IGF2BP3: variants seen among roughly 807,000 people sequenced by gnomAD.
IGF2BP3 encodes the protein insulin-like growth factor 2 mRNA-binding protein 3.
Under a neutral mutation model 73.8 loss-of-function variants are expected in IGF2BP3, and 9 were observed. The observed-to-expected ratio is 0.12, with a 90% CI of 0.07 to 0.21. The LOEUF (loss-of-function observed/expected upper bound fraction) is 0.21, where lower values mean the gene tolerates loss of function less well. IGF2BP3 is among the 10% of genes least tolerant of loss of function. IGF2BP3 has a pLI of 1.00. For synonymous variants in IGF2BP3, 258 were observed against 256.7 expected (o/e 1.01, Z -0.05); for missense variants, 542 against 714.0 (o/e 0.76, Z 2.75).
intron 10 of IGF2BP3, among the ~76,000 whole-genome samples, chr7:23,328,672 G>C (rs79793010): frequency 0.025 from 3,736 of 152,236 alleles, 132 homozygotes; most frequent in African/African-American, 0.08. Context: ...TCTGAAAATA[G>C]CAAGAATTTG....
intron 12 of IGF2BP3, among the ~76,000 whole-genome samples, chr7:23,314,159 A>G (rs1184659473): frequency 1.3e-5 from 2 of 150,698 alleles, no homozygotes; most frequent in African/African-American, 4.9e-5. Flanking sequence ...AGCAGACTAC[A>G]GGCATGCAAC....
At chr7:23,422,399 A>G (rs765492069) in intron 2 of IGF2BP3, among the ~76,000 whole-genome samples, 1 of 152,118 alleles carries the variant, frequency 6.6e-6, no homozygotes, top group Non-Finnish European at 1.5e-5. Context: ...TAAGGCCAGG[A>G]GTAAAATTAG....
intron 3 of IGF2BP3, among the ~76,000 whole-genome samples, chr7:23,381,078 G>T (rs554379482): frequency 6.6e-6 from 1 of 152,132 alleles, no homozygotes; most frequent in Non-Finnish European, 1.5e-5. Context: ...GCTGTATCTA[G>T]AACAGGCCCT....
chr7:23,450,611 T>A (rs10950943), intron 2 of IGF2BP3: 1 of 152,018 alleles, frequency 6.6e-6, no homozygotes, highest in Non-Finnish European at 1.5e-5. Flanking sequence ...TTCACTGATA[T>A]GATTTCAGAT....
intron 3 of IGF2BP3, among the ~76,000 whole-genome samples, chr7:23,407,951 GGCGGGGGGCGGGGGGGGGGGGA>G (rs1786893094): frequency 1.6e-5 from 1 of 62,928 alleles, no homozygotes; most frequent in Non-Finnish European, 3.4e-5. Context: ...GGGGGCAGGG[GGCGGGGGGCGGGGGGGGGGGGA>G]GTCAATGTAA....
At chr7:23,428,261 G>A (rs1787568945) in intron 2 of IGF2BP3, among the ~76,000 whole-genome samples, 1 of 151,928 alleles carries the variant, frequency 6.6e-6, no homozygotes, top group Non-Finnish European at 1.5e-5. Flanking sequence ...CACGAGGTCA[G>A]GAGATTGAGA....
intron 2 of IGF2BP3, among the ~76,000 whole-genome samples, chr7:23,423,882 G>A (rs1264158572): frequency 6.6e-6 from 1 of 152,096 alleles, no homozygotes; most frequent in Non-Finnish European, 1.5e-5. Flanking sequence ...CACTTTGGGA[G>A]GCCGAGGCAG....
At chr7:23,416,643 T>A (rs915235775) in intron 3 of IGF2BP3, among the ~76,000 whole-genome samples, 2 of 152,242 alleles carry the variant, frequency 1.3e-5, no homozygotes, top group Non-Finnish European at 2.9e-5. Flanking sequence ...ATTCTAAGAT[T>A]AATCAGGGAC....
intron 10 of IGF2BP3, among the ~76,000 whole-genome samples, chr7:23,341,658 G>T (rs1382019294): frequency 6.6e-6 from 1 of 151,608 alleles, no homozygotes; most frequent in East Asian, 1.9e-4. Flanking sequence ...CGAAAGAGTG[G>T]GACTGTGTCT....
chr7:23,324,389 A>G (rs1194455529), intron 10 of IGF2BP3, among the ~76,000 whole-genome samples: 1 of 151,628 alleles, frequency 6.6e-6, no homozygotes, highest in African/African-American at 2.4e-5. Context: ...TGAATCTCTG[A>G]ATAGACCAAT....
chr7:23,399,086 A>G (rs1198418141), intron 3 of IGF2BP3, among the ~76,000 whole-genome samples: 1 of 152,170 alleles, frequency 6.6e-6, no homozygotes, highest in Non-Finnish European at 1.5e-5. Context: ...TAATTTTTGT[A>G]TAAGGTGTAA....
chr7:23,341,688 C>A (rs1215407464), intron 10 of IGF2BP3, among the ~76,000 whole-genome samples: 2 of 151,688 alleles, frequency 1.3e-5, no homozygotes, highest in African/African-American at 4.8e-5. Flanking sequence ...TTTAAATAAC[C>A]ACCATGGCAC....
chr7:23,356,757 G>A (rs1004606476), intron 5 of IGF2BP3, among the ~76,000 whole-genome samples: 1 of 152,028 alleles, frequency 6.6e-6, no homozygotes, highest in Non-Finnish European at 1.5e-5. Context: ...TGAAAGCCTG[G>A]GTAATATGAT....
At chr7:23,427,074 T>C (rs756578838) in intron 2 of IGF2BP3, among the ~76,000 whole-genome samples, 4 of 152,176 alleles carry the variant, frequency 2.6e-5, no homozygotes, top group Admixed American at 6.5e-5. Context: ...CCCACACACA[T>C]TTCAGTTGTC....
intron 3 of IGF2BP3, among the ~76,000 whole-genome samples, chr7:23,367,981 C>T (rs922191000): frequency 6.6e-6 from 1 of 151,420 alleles, no homozygotes; most frequent in Non-Finnish European, 1.5e-5. Flanking sequence ...GCCTGGGCAA[C>T]AGATAGAGAC....
chr7:23,450,296 G>T (rs949128594), intron 2 of IGF2BP3, among the ~76,000 whole-genome samples: 15 of 152,168 alleles, frequency 9.9e-5, no homozygotes, highest in Non-Finnish European at 1.5e-5. Context: ...GTTGCAAGAC[G>T]AACCAGTCAA....
chr7:23,452,004 T>A lies in IGF2BP3; in HGVS notation c.236+16478A>T, dbSNP rs188165826. 2.7e-4 allele frequency among the ~76,000 whole-genome samples: 41 copies of A among 151,314 alleles called. No individual in the cohort carries two copies. The South Asian group carries it at 5.8e-3, about 22-fold the overall frequency. Reference sequence around the variant, plus strand: ...GTTTTCTTTTTTCCTTTTTTTTTTTTATTTATTTTTTATTTTTTGAGATGG... The same window carrying A: ...GTTTTCTTTTTTCCTTTTTTTTTTTAATTTATTTTTTATTTTTTGAGATGG... On this transcript the variant is annotated intron_variant, in intron 2 of 14. Coordinates refer to ENST00000258729, the MANE Select transcript of IGF2BP3 (RefSeq NM_006547.3).
chr7:23,457,422 G>A (rs139270305), intron 2 of IGF2BP3, among the ~76,000 whole-genome samples: 3,913 of 151,888 alleles, frequency 0.026, 191 homozygotes, highest in African/African-American at 0.09. Context: ...CAGAGATCGC[G>A]CCACTGCACT....
Position 23,312,343 on chromosome 7 carries a change from T to G in IGF2BP3, c.*19A>C, listed in dbSNP as rs757459993. The G allele has an allele frequency of 6.4e-6, 10 of 1,566,544 alleles. No homozygotes were observed. The South Asian group carries it at 1.1e-4, about 17-fold the overall frequency. On this transcript the variant is annotated 3_prime_UTR_variant, in exon 15 of 15. Coordinates refer to ENST00000258729, the MANE Select transcript of IGF2BP3 (RefSeq NM_006547.3). The stretch of plus-strand genomic sequence containing the variant: ...TTTGGTTTGGCATCTGCCTCTGTGG[T>G]GGGCTGTTTCCTGAGCCTTTACTTC...
Sources: gnomAD v4.1 joint callset for allele counts (sites outside exome capture counted in the v4.1 genomes callset) on GRCh38, gnomAD v4.1.1 for gene constraint, MANE v1.5 for transcripts, NCBI Gene and HGNC (gene_info 2026-07-23, HGNC 2026-07-21) for gene names.